The following IQCE variants were observed in gnomAD, a reference collection of about 807,000 sequenced individuals.
The protein encoded by IQCE is IQ motif containing E.
Under a neutral mutation model 96.0 loss-of-function variants are expected in IQCE, and 115 were observed. That is an observed-to-expected ratio of 1.20 (90% CI 1.03 to 1.40). The LOEUF (loss-of-function observed/expected upper bound fraction) is 1.40. Among genes scored for constraint, IQCE ranks in the 40% most tolerant of loss-of-function variants. The pLI is 0.00. For missense variants in IQCE, 1,041 were observed against 909.1 expected (o/e 1.15, Z -1.87); for synonymous variants, 412 against 371.2 (o/e 1.11, Z -1.26).
chr7:2,579,287 G>A (rs1045788141), intron 8 of IQCE, among the ~76,000 whole-genome samples: 12 of 152,134 alleles, frequency 7.9e-5, no homozygotes, highest in African/African-American at 2.9e-4. Context: ...GAAGAAAACC[G>A]AAAGGGATAC....
Position 2,568,918 on chromosome 7 carries a change from C to T in IQCE, c.85-36C>T, listed in dbSNP as rs1175147300. The T allele has an allele frequency of 2.5e-6, 4 of 1,599,974 alleles. No individual in the cohort carries two copies. In the Admixed American group the frequency reaches 6.7e-5, roughly 27 times the overall value. ...GTCTTGTGATGCACCACTGTGGGAG[C>T]TCAGCAAGCCTTATGCCATTTCTTC... On this transcript the variant is annotated intron_variant, in intron 2 of 21. Coordinates refer to ENST00000402050, the MANE Select transcript of IQCE (RefSeq NM_152558.5).
intron 16 of IQCE, among the ~76,000 whole-genome samples, 167 bp downstream of exon 16, chr7:2,595,143 C>T (rs941454602): frequency 6.6e-6 from 1 of 152,154 alleles, no homozygotes; most frequent in Non-Finnish European, 1.5e-5. Context: ...GTATCGAAGT[C>T]CGGGTTTTGG....
chr7:2,570,485 T>G (rs1210619490), intron 3 of IQCE, among the ~76,000 whole-genome samples: 7 of 151,940 alleles, frequency 4.6e-5, no homozygotes, highest in African/African-American at 9.7e-5. Flanking sequence ...TGGTCCCGGG[T>G]AAGTGAAGAT....
At chr7:2,584,398 A>G (rs1436727237) in intron 11 of IQCE, 113 bp downstream of exon 11, 4 of 965,058 alleles carry the variant, frequency 4.1e-6, no homozygotes, top group Non-Finnish European at 6.8e-6. Flanking sequence ...TTAGCTTGGC[A>G]GTGCTGCCAA....
chr7:2,567,291 A>G, intron 2 of IQCE, 128 bp downstream of exon 2: 1 of 756,788 alleles, frequency 1.3e-6, no homozygotes, highest in South Asian at 1.5e-5. Flanking sequence ...CATATTCCGA[A>G]TGCTCCTTGG....
At position 2,591,329 on chromosome 7, in the gene IQCE, C is replaced by T. The variant is rs141109824; in HGVS notation, c.1244+1223C>T. Among the ~76,000 whole-genome samples, 308 of 152,210 alleles carry T rather than the reference C, an allele frequency of 2.0e-3. 1 individual carries two copies. The highest frequency in any genetic ancestry group is 3.4e-3 in the Non-Finnish European group (229 of 68,000). On this transcript the variant is annotated intron_variant, in intron 14 of 21. Transcript: ENST00000402050. Reference sequence around the variant, plus strand: ...CAGGGCTGGGAAGGCAGGGCCTCACCGGGGGTTCTGGAGTTCCATGACCTG... The same window carrying T: ...CAGGGCTGGGAAGGCAGGGCCTCACTGGGGGTTCTGGAGTTCCATGACCTG...
intron 16 of IQCE, 100 bp from the exon 17 acceptor site, chr7:2,598,365 G>A: frequency 8.3e-7 from 1 of 1,202,322 alleles, no homozygotes; most frequent in Non-Finnish European, 1.2e-6. Flanking sequence ...CACCTGATAA[G>A]CGCAGCCGCA....
At chr7:2,567,226 A>G (rs1781446267) in intron 2 of IQCE, 63 bp downstream of exon 2, 2 of 1,312,696 alleles carry the variant, frequency 1.5e-6, no homozygotes. Context: ...TGCAGACTGC[A>G]CTCGGAAGCG....
At chr7:2,581,742 C>T (rs1200345282) in intron 8 of IQCE, among the ~76,000 whole-genome samples, 1 of 148,890 alleles carries the variant, frequency 6.7e-6, no homozygotes, top group Non-Finnish European at 1.5e-5. Context: ...TGGAGTCTCG[C>T]TCTGTCACCC....
intron 21 of IQCE, 118 bp downstream of exon 21, chr7:2,607,345 A>T: frequency 6.8e-7 from 1 of 1,467,178 alleles, no homozygotes; most frequent in Non-Finnish European, 9.0e-7. Context: ...GGAGTGTCCC[A>T]TCTGGAGCTG....
chr7:2,579,851 A>C (rs1782530183), intron 8 of IQCE, among the ~76,000 whole-genome samples: 2 of 151,034 alleles, frequency 1.3e-5, no homozygotes, highest in South Asian at 4.2e-4. Context: ...TCCCTGGCTT[A>C]GGGGATACTC....
rs180946645 is a variant in IQCE at position 2,602,854 on chromosome 7, C to T, written c.1632+1390C>T. On this transcript the variant is annotated intron_variant, in intron 18 of 21. Coordinates refer to ENST00000402050, the MANE Select transcript of IQCE (RefSeq NM_152558.5). ...TGGGCGGCACACCAGGCTCAGTGGC[C>T]TGCGCGCAGCTGCAGTGGGAGCATG... Among the ~76,000 whole-genome samples, 303 of 152,344 alleles carry T rather than the reference C, an allele frequency of 2.0e-3. 1 individual carries two copies. The highest frequency in any genetic ancestry group is 7.0e-3 in the African/African-American group (291 of 41,578).
intron 13 of IQCE, among the ~76,000 whole-genome samples, chr7:2,589,097 A>G (rs896037616): frequency 6.6e-6 from 1 of 152,212 alleles, no homozygotes; most frequent in African/African-American, 2.4e-5. Flanking sequence ...GCCAGGTACA[A>G]TGACTCACAC....
intron 13 of IQCE, among the ~76,000 whole-genome samples, 161 bp downstream of exon 13, chr7:2,588,038 C>T (rs556875022): frequency 7.9e-5 from 12 of 152,368 alleles, no homozygotes; most frequent in South Asian, 2.1e-4. Flanking sequence ...GTCTAGACAA[C>T]GCTGAAGGCA....
chr7:2,572,954 TA>T, intron 5 of IQCE: 1 of 335,142 alleles, frequency 3.0e-6, no homozygotes, highest in Non-Finnish European at 5.8e-6. Context: ...TTCCTGCTTT[TA>T]CTGGTTGGGA....
At chr7:2,572,587 AG>A (rs2128438380) in intron 5 of IQCE, 1 of 620,638 alleles carries the variant, frequency 1.6e-6, no homozygotes, top group South Asian at 1.7e-5. Context: ...CTAAACATAG[AG>A]GCGTACTTAA....
rs1783750077 is a variant in IQCE, at chr7:2,593,199, G to A, written c.1349+73G>A. 9.2e-6 allele frequency: 14 copies of A among 1,517,464 alleles called. No homozygotes were observed. The East Asian group carries it at 3.0e-4, about 33-fold the overall frequency. 94.0% of individuals were successfully genotyped at this position (1,517,464 alleles called of 1,614,324 possible). A position where few individuals can be genotyped will look rare whatever the true frequency, so the allele number is the denominator to read the frequency against. On this transcript the variant is annotated intron_variant, in intron 15 of 21. Coordinates refer to ENST00000402050, the MANE Select transcript of IQCE (RefSeq NM_152558.5). ...TCCTGCTACCACTGCGGCCCCCCGT[G>A]GCGTCTCAGCCTTGCTGCCAGCCGG...
At chr7:2,589,072 C>T (rs1783369977) in intron 13 of IQCE, among the ~76,000 whole-genome samples, 1 of 152,088 alleles carries the variant, frequency 6.6e-6, no homozygotes, top group African/African-American at 2.4e-5. Flanking sequence ...TACATATTTA[C>T]AACATAGAAA....
At chr7:2,607,888 G>A (rs759850555) in intron 21 of IQCE, among the ~76,000 whole-genome samples, 1 of 152,194 alleles carries the variant, frequency 6.6e-6, no homozygotes, top group Non-Finnish European at 1.5e-5. Context: ...CGGGACTGTC[G>A]GGAGATGGAG....
Sources: allele counts gnomAD v4.1 joint callset (sites outside exome capture counted in the v4.1 genomes callset), GRCh38; gene constraint gnomAD v4.1.1; transcripts MANE v1.5; gene names NCBI Gene and HGNC (gene_info 2026-07-23, HGNC 2026-07-21).